INPP5A: variants seen among roughly 807,000 people sequenced by gnomAD.
The protein encoded by INPP5A is inositol polyphosphate-5-phosphatase A.
In INPP5A, 14 loss-of-function variants were observed where a neutral mutation model predicts 65.2. That is an observed-to-expected ratio of 0.21 (90% CI 0.14 to 0.34). The LOEUF (loss-of-function observed/expected upper bound fraction) is 0.34, where lower values mean the gene tolerates loss of function less well. INPP5A is among the 10% of genes least tolerant of loss of function. INPP5A has a pLI of 1.00. For missense variants in INPP5A, 431 were observed against 545.6 expected (o/e 0.79, Z 2.09); for synonymous variants, 207 against 208.3 (o/e 0.99, Z 0.05).
intron 1 of INPP5A, among the ~76,000 whole-genome samples, chr10:132,595,962 T>C (rs187806470): frequency 6.6e-6 from 1 of 152,280 alleles, no homozygotes; most frequent in Admixed American, 6.5e-5. Context: ...AGAGAAGAAT[T>C]TTTGGGTGTT....
chr10:132,636,895 C>A (rs576642950), intron 2 of INPP5A, among the ~76,000 whole-genome samples: 1 of 152,024 alleles, frequency 6.6e-6, no homozygotes, highest in Non-Finnish European at 1.5e-5. Context: ...GGTGCTGGTC[C>A]GATTCTTTAC....
chr10:132,592,039 A>G (rs2071626387), intron 1 of INPP5A, among the ~76,000 whole-genome samples: 1 of 152,242 alleles, frequency 6.6e-6, no homozygotes, highest in South Asian at 2.1e-4. Flanking sequence ...TAAACAAGAA[A>G]TAATAACAGT....
At chr10:132,770,367 G>A (rs528509645) in intron 12 of INPP5A, among the ~76,000 whole-genome samples, 4 of 152,358 alleles carry the variant, frequency 2.6e-5, no homozygotes, top group East Asian at 3.9e-4. Context: ...CGCGGAGGCC[G>A]TGGTGCTGTG....
chr10:132,579,167 C>CGGGCTCCAAGCTGGGCTAGCTGGA (rs2071448781), intron 1 of INPP5A, among the ~76,000 whole-genome samples: 2 of 150,946 alleles, frequency 1.3e-5, no homozygotes, highest in Non-Finnish European at 2.9e-5. Flanking sequence ...GCGCCGGTTG[C>CGGGCTCCAAGCTGGGCTAGCTGGA]GGGCTCCAAG....
chr10:132,682,297 G>A (rs1424231021), intron 4 of INPP5A, among the ~76,000 whole-genome samples: 1 of 152,044 alleles, frequency 6.6e-6, no homozygotes, highest in Non-Finnish European at 1.5e-5. Context: ...GGTGGACAGT[G>A]TCCTGGAGAT....
chr10:132,569,602 C>G (rs968777623), intron 1 of INPP5A, among the ~76,000 whole-genome samples: 1 of 152,216 alleles, frequency 6.6e-6, no homozygotes, highest in Non-Finnish European at 1.5e-5. Context: ...AAGCGATTCT[C>G]TGCCTCAGCC....
chr10:132,643,930 T>C (rs1195941826), intron 2 of INPP5A, among the ~76,000 whole-genome samples: 2 of 152,046 alleles, frequency 1.3e-5, no homozygotes, highest in Non-Finnish European at 2.9e-5. Context: ...CACAGGCCTC[T>C]TCCATGCCAG....
At chr10:132,764,423 T>C (rs868795440) in intron 11 of INPP5A, among the ~76,000 whole-genome samples, 120 of 127,514 alleles carry the variant, frequency 9.4e-4, no homozygotes, top group Middle Eastern at 4.9e-3. Context: ...CACGGTCGGG[T>C]CAGTCCTGCT....
At chr10:132,687,751 G>A (rs767565529) in intron 4 of INPP5A, among the ~76,000 whole-genome samples, 2 of 152,172 alleles carry the variant, frequency 1.3e-5, no homozygotes, top group Non-Finnish European at 2.9e-5. Context: ...GCACATGCAA[G>A]CGAGCACTCG....
At chr10:132,664,104 A>G (rs2072773045) in intron 4 of INPP5A, among the ~76,000 whole-genome samples, 7 of 152,200 alleles carry the variant, frequency 4.6e-5, no homozygotes, top group Admixed American at 4.6e-4. Flanking sequence ...AGAAATAGCC[A>G]TGGTTGATTC....
Position 132,551,721 on chromosome 10 carries a change from C to A in INPP5A, c.75+13550C>A, listed in dbSNP as rs903801544. Among the ~76,000 whole-genome samples the A allele has an allele frequency of 2.0e-5, 3 of 152,158 alleles. No individual in the cohort carries two copies. Among genetic ancestry groups the A allele is most frequent in the African/African-American group, 7.2e-5 (3 of 41,428 alleles). On this transcript the variant is annotated intron_variant, in intron 1 of 15. Transcript: ENST00000368594. The surrounding 1 kb of genome is among the most constrained non-coding windows in gnomAD (Gnocchi z 5.3). ...TGGAAGGTGGAGGCCTGGGCCCAGGCTGGAGGGACGTGGGGTGGGAATGGG... is the reference window on the plus strand; with the variant it reads ...TGGAAGGTGGAGGCCTGGGCCCAGGATGGAGGGACGTGGGGTGGGAATGGG...
Position 132,782,249 on chromosome 10 carries a change from GGT to G in INPP5A, c.*221_*222del, listed in dbSNP as rs2134701435. The G allele has an allele frequency of 4.5e-5, 16 of 353,798 alleles. No homozygotes were observed. The highest frequency in any genetic ancestry group is 3.9e-4 in the South Asian group (15 of 38,636). The allele number at this position is 353,798 out of a possible 1,614,324, so 21.9% of individuals were successfully genotyped here. A position where few individuals can be genotyped will look rare whatever the true frequency, so the allele number is the denominator to read the frequency against. The stretch of plus-strand genomic sequence containing the variant: ...CTATGTGACATTAAGTAGAAATATT[GGT>G]TTTTTTTTTTTTTTTTTAAATAAGT... On this transcript the variant is annotated 3_prime_UTR_variant, in exon 16 of 16. Transcript: ENST00000368594. This position sits in a 1 kb window ranked among gnomAD's most constrained non-coding sequence, Gnocchi z 4.4.
intron 4 of INPP5A, 56 bp from the exon 5 acceptor site, chr10:132,690,336 C>A: frequency 1.8e-6 from 2 of 1,112,128 alleles, no homozygotes; most frequent in Non-Finnish European, 2.7e-6. Flanking sequence ...TAAAAATGAT[C>A]TTTAGAAATA....
At chr10:132,656,288 A>G (rs1202190008) in intron 4 of INPP5A, among the ~76,000 whole-genome samples, 1 of 152,254 alleles carries the variant, frequency 6.6e-6, no homozygotes, top group Non-Finnish European at 1.5e-5. Context: ...TCTCCTCTTC[A>G]TCCACCCACC....
intron 11 of INPP5A, among the ~76,000 whole-genome samples, chr10:132,752,165 C>T (rs183474301): frequency 2.8e-5 from 4 of 141,644 alleles, no homozygotes; most frequent in African/African-American, 7.7e-5. Context: ...ACAGGGCTGC[C>T]GTCGTTTGGA....
chr10:132,734,413 G>C (rs911265783), intron 9 of INPP5A, among the ~76,000 whole-genome samples: 8 of 152,248 alleles, frequency 5.3e-5, no homozygotes, highest in African/African-American at 1.9e-4. Flanking sequence ...CTTTGCAGCT[G>C]GGAAGTATCA....
At chr10:132,590,982 G>C (rs2071612422) in intron 1 of INPP5A, among the ~76,000 whole-genome samples, 3 of 152,196 alleles carry the variant, frequency 2.0e-5, no homozygotes, top group Admixed American at 6.5e-5. Flanking sequence ...AGCTCTGGGG[G>C]CCCAGGCTGC....
At chr10:132,571,403 G>A (rs973848886) in intron 1 of INPP5A, among the ~76,000 whole-genome samples, 2 of 152,212 alleles carry the variant, frequency 1.3e-5, no homozygotes, top group Non-Finnish European at 2.9e-5. Context: ...GTCCTCCCCA[G>A]CTGCGGGGAA....
chr10:132,779,175 G>A (rs1847115930), intron 13 of INPP5A, among the ~76,000 whole-genome samples: 1 of 152,254 alleles, frequency 6.6e-6, no homozygotes, highest in Admixed American at 6.5e-5. Flanking sequence ...AGGAAAGTGT[G>A]CTGGCCACAA....
Sources: allele counts gnomAD v4.1 joint callset (sites outside exome capture counted in the v4.1 genomes callset), GRCh38; gene constraint gnomAD v4.1.1; non-coding constraint Gnocchi (gnomAD v3.1); transcripts MANE v1.5; gene names NCBI Gene and HGNC (gene_info 2026-07-23, HGNC 2026-07-21).